The following CSF1R variants were observed in gnomAD, a reference collection of about 807,000 sequenced individuals.
CSF1R encodes colony stimulating factor 1 receptor.
CSF1R carries 40 observed loss-of-function variants against 110.0 expected under a neutral mutation model. The ratio of observed to expected loss-of-function variants is 0.36; its 90% CI spans 0.28 to 0.47. The LOEUF (loss-of-function observed/expected upper bound fraction) is 0.47, where lower values mean the gene tolerates loss of function less well. Ranked by LOEUF, CSF1R falls within the 20% of genes least tolerant of loss-of-function variation. The pLI is 0.99. For missense variants in CSF1R, 1,052 were observed against 1,253.0 expected, an observed-to-expected ratio of 0.84 and a Z score of 2.42; for synonymous variants, 523 against 503.4, an observed-to-expected ratio of 1.04 and a Z score of -0.52.
At chr5:150,070,343 G>A (rs529284958) in intron 7 of CSF1R, 41 bp from the exon 8 acceptor site, 28 of 1,604,336 alleles carry the variant, frequency 1.7e-5, no homozygotes, top group Admixed American at 1.7e-4. Flanking sequence ...CACTTTCCCC[G>A]CCACCTCCCA....
chr5:150,100,322 G>C (rs1324121263), intron 1 of CSF1R, among the ~76,000 whole-genome samples: 1 of 67,808 alleles, frequency 1.5e-5, no homozygotes, highest in Non-Finnish European at 3.1e-5. Flanking sequence ...TTCTGAGACG[G>C]AGTCTTGCTC....
At chr5:150,066,548 T>A (rs1182117527) in intron 10 of CSF1R, among the ~76,000 whole-genome samples, 1 of 152,132 alleles carries the variant, frequency 6.6e-6, no homozygotes, top group African/African-American at 2.4e-5. Context: ...CAGCTGAGGT[T>A]ACATGGCAAA....
intron 1 of CSF1R, 144 bp from the exon 2 acceptor site, chr5:150,081,168 C>A: frequency 1.1e-6 from 1 of 882,330 alleles, no homozygotes; most frequent in Non-Finnish European, 1.7e-6. Context: ...GCCCCCTGGT[C>A]ATTTGCTCAG....
rs1399650519 is a variant in CSF1R at position 150,056,347 on chromosome 5, G to A, written c.2320-6C>T. 1 of 1,613,966 alleles carries A rather than the reference G, an allele frequency of 6.2e-7. No homozygotes were observed. Among genetic ancestry groups the A allele is most frequent in the African/African-American group, 1.3e-5 (1 of 74,922 alleles). On this transcript the variant is annotated splice_region_variant and splice_polypyrimidine_tract_variant and intron_variant, in intron 16 of 20. Coordinates refer to ENST00000675795, the MANE Select transcript of CSF1R (RefSeq NM_001288705.3). Reference sequence around the variant, plus strand: ...GCCACGTCCCGGTGGATGCACTGAGGGAAAGCACTGCAGGGTTAGTCTTGG... The same window carrying A: ...GCCACGTCCCGGTGGATGCACTGAGAGAAAGCACTGCAGGGTTAGTCTTGG...
chr5:150,080,826 C>A lies in CSF1R; in HGVS notation c.248G>T (p.Arg83Leu), dbSNP rs761230419. The change falls in exon 2 of 21, where the codon CGC (arginine) becomes CTC (leucine). Residue 83 changes from arginine (R) to leucine (L), a missense_variant. Around this residue, in one of 5 missense-constraint regions of CSF1R, gnomAD observed 693 missense variants for 735.4 expected, o/e 0.94. Coordinates refer to ENST00000675795, the MANE Select transcript of CSF1R (RefSeq NM_001288705.3). ...CAGGGGGTCTCCAGGCTCAGTGCAG[C>A]GATAGGTCCCCGTGTTTTGGAAGGT... ...NATFQNTGTYRCTEPGDPLGG... is the reference protein window; with the variant it reads ...NATFQNTGTYLCTEPGDPLGG... The A allele has an allele frequency of 1.2e-6, 2 of 1,614,002 alleles. No individual in the cohort carries two copies. Among genetic ancestry groups the A allele is most frequent in the South Asian group, 1.1e-5 (1 of 91,082 alleles).
At position 150,073,618 on chromosome 5, in the gene CSF1R, C is replaced by G. The variant is rs992987067; in HGVS notation, c.890-125G>C. The G allele has an allele frequency of 3.4e-6, 3 of 888,742 alleles. No homozygotes were observed. In the African/African-American group the frequency reaches 5.1e-5, roughly 15 times the overall value. The allele number at this position is 888,742 out of a possible 1,614,324, so 55.1% of individuals were successfully genotyped here. On this transcript the variant is annotated intron_variant, in intron 5 of 20. Transcript: ENST00000675795. ...TATGTCACAGGTACATAGTCCCCACCACCCAAGACAGGTCCTCTGACACCC... is the reference window on the plus strand; with the variant it reads ...TATGTCACAGGTACATAGTCCCCACGACCCAAGACAGGTCCTCTGACACCC...
chr5:150,081,581 G>A (rs909963873), intron 1 of CSF1R, among the ~76,000 whole-genome samples: 4 of 152,176 alleles, frequency 2.6e-5, no homozygotes, highest in Admixed American at 1.3e-4. Flanking sequence ...GTGGGATGGG[G>A]AGGTGCCATG....
chr5:150,072,423 G>T (rs1409001186), intron 6 of CSF1R, among the ~76,000 whole-genome samples: 1 of 152,134 alleles, frequency 6.6e-6, no homozygotes, highest in Non-Finnish European at 1.5e-5. Flanking sequence ...GAACCCGGGA[G>T]GCCGAGTTTG....
chr5:150,078,347 TCCCCATCACTG>T, intron 3 of CSF1R, 99 bp from the exon 4 acceptor site: 2 of 1,444,190 alleles, frequency 1.4e-6, no homozygotes, highest in Non-Finnish European at 1.9e-6. Context: ...CAGGCCAGGG[TCCCCATCACTG>T]CCCCATCCCA....
intron 10 of CSF1R, among the ~76,000 whole-genome samples, chr5:150,062,381 A>G (rs1757571512): frequency 6.8e-6 from 1 of 146,588 alleles, no homozygotes; most frequent in African/African-American, 2.5e-5. Flanking sequence ...AGCTCTTTTC[A>G]TCTTGCAAAA....
rs888738688 is a variant in CSF1R, at chr5:150,070,286, G to A, written c.1215C>T (p.Ser405=). 3.7e-6 allele frequency: 6 copies of A among 1,614,092 alleles called. No homozygotes were observed. Among genetic ancestry groups the A allele is most frequent in the South Asian group, 2.2e-5 (2 of 91,076 alleles). ...ELTLRYPPEV[S]VIWTFINGSG... ...AGCCGTTGATGAATGTCCATATGAC[G>A]CTTACCTCTGGGGGGTCTGAGGAAG... Residue 405 remains serine, a synonymous_variant, in exon 8 of 21, where the codon AGC becomes AGT. Coordinates refer to ENST00000675795, the MANE Select transcript of CSF1R (RefSeq NM_001288705.3).
Position 150,057,526 on chromosome 5 carries a change from TGAA to T in CSF1R, c.2196_2198del (p.Ser733del). 2.5e-6 allele frequency: 4 copies of T among 1,614,204 alleles called. No homozygotes were observed. In the South Asian group the frequency reaches 4.4e-5, roughly 18 times the overall value. ...CACCTTGCTCAGAGAAGGAGTCATTTGAAGAAGTGGAGACAGGCCTCATCTCCA... is the reference window on the plus strand; with the variant it reads ...CACCTTGCTCAGAGAAGGAGTCATTTGAAGTGGAGACAGGCCTCATCTCCA... On this transcript the variant is annotated inframe_deletion, in exon 15 of 21. Coordinates refer to ENST00000675795, the MANE Select transcript of CSF1R (RefSeq NM_001288705.3).
At chr5:150,077,788 T>C (rs1002059689) in intron 4 of CSF1R, among the ~76,000 whole-genome samples, 4 of 152,172 alleles carry the variant, frequency 2.6e-5, no homozygotes, top group African/African-American at 9.7e-5. Flanking sequence ...AATGGTGGCC[T>C]AGGAAACCCT....
intron 13 of CSF1R, among the ~76,000 whole-genome samples, chr5:150,060,648 C>T (rs1458809375): frequency 6.6e-6 from 1 of 152,196 alleles, no homozygotes; most frequent in Non-Finnish European, 1.5e-5. Context: ...CCGATGCTCC[C>T]TATCAGTCTC....
chr5:150,097,159 G>T (rs1248750379), intron 1 of CSF1R, among the ~76,000 whole-genome samples: 3 of 152,124 alleles, frequency 2.0e-5, no homozygotes, highest in African/African-American at 7.2e-5. Context: ...CTACTTGGAA[G>T]GCTGATCACT....
At chr5:150,060,834 T>G in intron 13 of CSF1R, 28 bp downstream of exon 13, 1 of 1,518,030 alleles carries the variant, frequency 6.6e-7, no homozygotes, top group Non-Finnish European at 9.0e-7. Context: ...CCCCAAGACC[T>G]TGGCCCCAGG....
chr5:150,091,848 C>T (rs1006831965), intron 1 of CSF1R, among the ~76,000 whole-genome samples: 2 of 73,832 alleles, frequency 2.7e-5, no homozygotes, highest in African/African-American at 1.2e-4. Flanking sequence ...CAGACCCATA[C>T]TACCAAAAAA....
At position 150,080,789 on chromosome 5, in the gene CSF1R, G is replaced by C. The variant is rs748090290; in HGVS notation, c.285C>G (p.Ala95=). 3 of 1,614,102 alleles carry C rather than the reference G, an allele frequency of 1.9e-6. No homozygotes were observed. The highest frequency in any genetic ancestry group is 2.5e-6 in the Non-Finnish European group (3 of 1,180,000). ...CACCTTTGACATAGAGGTGGATGGC[G>C]GCGCTGCCTCCCAGGGGGTCTCCAG... ...TEPGDPLGGS[A]AIHLYVKDPA... The change falls in exon 2 of 21, where the codon GCC becomes GCG. Residue 95 remains alanine (A), a synonymous_variant. Transcript: ENST00000675795.
rs773989337 is a variant in CSF1R, at chr5:150,061,483, T to G, written c.1858+8A>C. ...CCATCCCTTCCCTCATCCCCTCCCC[T>G]CACTCACACTTCAGCATCTTCACAG... On this transcript the variant is annotated splice_region_variant and intron_variant, in intron 12 of 20. Transcript: ENST00000675795. 1 of 469,388 alleles carries G rather than the reference T, an allele frequency of 2.1e-6. No homozygotes were observed. The highest frequency in any genetic ancestry group is 3.1e-6 in the Non-Finnish European group (1 of 324,446). 29.1% of individuals were successfully genotyped at this position (469,388 alleles called of 1,614,324 possible). A position where few individuals can be genotyped will look rare whatever the true frequency, so the allele number is the denominator to read the frequency against.
Sources: gnomAD v4.1 joint callset for allele counts (sites outside exome capture counted in the v4.1 genomes callset) on GRCh38, gnomAD v4.1.1 for gene constraint, gnomAD v4.1.1 regional missense constraint, MANE v1.5 for transcripts, NCBI Gene and HGNC (gene_info 2026-07-23, HGNC 2026-07-21) for gene names.